TMEM106B: variants seen among roughly 807,000 people sequenced by gnomAD.
TMEM106B encodes the protein transmembrane protein 106B.
TMEM106B carries 15 observed loss-of-function variants against 31.1 expected under a neutral mutation model. The ratio of observed to expected loss-of-function variants is 0.48; its 90% CI spans 0.32 to 0.74. The LOEUF (loss-of-function observed/expected upper bound fraction) is 0.74, where lower values mean the gene tolerates loss of function less well. Among genes scored for constraint, TMEM106B ranks in the 30% least tolerant of loss-of-function variants. TMEM106B has a pLI of 0.03. For synonymous variants in TMEM106B, 126 were observed against 112.5 expected (o/e 1.12, Z -0.76); for missense variants, 283 against 327.3 (o/e 0.86, Z 1.04).
chr7:12,222,330 A>T (rs1583453367), intron 3 of TMEM106B, among the ~76,000 whole-genome samples: 1 of 152,174 alleles, frequency 6.6e-6, no homozygotes, highest in Non-Finnish European at 1.5e-5. Context: ...AAACTAGCCA[A>T]CTTTTCAATT....
chr7:12,225,854 A>G (rs1036555504), intron 4 of TMEM106B, among the ~76,000 whole-genome samples: 2 of 151,974 alleles, frequency 1.3e-5, no homozygotes, highest in African/African-American at 2.4e-5. Context: ...GAAGCTTTTT[A>G]CTTTAATTAG....
In TMEM106B at chr7:12,242,624, G is replaced by A. The variant is rs554670210; in HGVS notation, c.*10649G>A. On this transcript the variant is annotated 3_prime_UTR_variant, in exon 8 of 8. Coordinates refer to ENST00000396668, the MANE Select transcript of TMEM106B (RefSeq NM_001134232.2). Reference sequence around the variant, plus strand: ...GATATTATCTAATTGTGTCCTTACTGGGTAACTTGTGTATTTTTCAAGTTA... The same window carrying A: ...GATATTATCTAATTGTGTCCTTACTAGGTAACTTGTGTATTTTTCAAGTTA... The A allele has an allele frequency of 6.6e-6, 1 of 152,034 alleles. No homozygotes were observed. The highest frequency in any genetic ancestry group is 6.6e-5 in the Admixed American group (1 of 15,248). The allele number at this position is 152,034 out of a possible 1,614,324, so 9.4% of individuals were successfully genotyped here.
At position 12,241,602 on chromosome 7, in the gene TMEM106B, T is replaced by C. The variant is rs1782237247; in HGVS notation, c.*9627T>C. On this transcript the variant is annotated 3_prime_UTR_variant, in exon 8 of 8. Coordinates refer to ENST00000396668, the MANE Select transcript of TMEM106B (RefSeq NM_001134232.2). The stretch of plus-strand genomic sequence containing the variant: ...GAACTCATCCTTTTTTATGGCTGCA[T>C]AGTATTCCATGGTGTATATATGCCA... 1 of 152,240 alleles carries C rather than the reference T, an allele frequency of 6.6e-6. No homozygotes were observed. The highest frequency in any genetic ancestry group is 2.1e-4 in the South Asian group (1 of 4,824). The allele number at this position is 152,240 out of a possible 1,614,324, so 9.4% of individuals were successfully genotyped here. A position where few individuals can be genotyped will look rare whatever the true frequency, so the allele number is the denominator to read the frequency against.
At chr7:12,218,222 A>G (rs1008315422) in intron 2 of TMEM106B, among the ~76,000 whole-genome samples, 1 of 149,578 alleles carries the variant, frequency 6.7e-6, no homozygotes, top group African/African-American at 2.5e-5. Context: ...AGAAAAAGTA[A>G]GCCCTCATTT....
chr7:12,232,100 C>G lies in TMEM106B; in HGVS notation c.*125C>G, dbSNP rs1583221891. On this transcript the variant is annotated 3_prime_UTR_variant, in exon 8 of 8. Coordinates refer to ENST00000396668, the MANE Select transcript of TMEM106B (RefSeq NM_001134232.2). ...CCTAAAGTTTACACTTCTAAGAGTA[C>G]AGTTAAAAGTATGTGGACCTGCAGT... 1 of 848,288 alleles carries G rather than the reference C, an allele frequency of 1.2e-6. No homozygotes were observed. The highest frequency in any genetic ancestry group is 2.7e-5 in the East Asian group (1 of 36,552). 52.5% of individuals were successfully genotyped at this position (848,288 alleles called of 1,614,324 possible).
At chr7:12,223,743 C>T (rs970572171) in intron 3 of TMEM106B, among the ~76,000 whole-genome samples, 21 of 125,508 alleles carry the variant, frequency 1.7e-4, no homozygotes, top group Admixed American at 1.2e-3. Flanking sequence ...TTTTTTGGTA[C>T]AGAGTCTCGC....
At chr7:12,217,545 G>A (rs1450931211) in intron 2 of TMEM106B, among the ~76,000 whole-genome samples, 1 of 152,124 alleles carries the variant, frequency 6.6e-6, no homozygotes, top group Non-Finnish European at 1.5e-5. Flanking sequence ...GTTTAGCTCT[G>A]TTGATATATG....
At chr7:12,215,690 T>C (rs1424601231) in intron 2 of TMEM106B, 1 of 306,630 alleles carries the variant, frequency 3.3e-6, no homozygotes, top group Non-Finnish European at 7.1e-6. Flanking sequence ...AGTGTTAGAA[T>C]TACAGCTGTG....
rs1782266384 is a variant in TMEM106B, at chr7:12,243,365, G to A, written c.*11390G>A. The A allele has an allele frequency of 6.6e-6, 1 of 152,054 alleles. No homozygotes were observed. Among genetic ancestry groups the A allele is most frequent in the African/African-American group, 2.4e-5 (1 of 41,426 alleles). The allele number at this position is 152,054 out of a possible 1,614,324, so 9.4% of individuals were successfully genotyped here. ...ATGGAAATAAAAGATAATTTGAAAA[G>A]CATGTTGTGCTATTTATATCAGGGA... is the stretch of plus-strand genomic sequence containing the variant. On this transcript the variant is annotated 3_prime_UTR_variant, in exon 8 of 8. Transcript: ENST00000396668.
Position 12,231,846 on chromosome 7 carries a change from GACA to G in TMEM106B, c.703_705del (p.Thr235del), listed in dbSNP as rs1782030651. On this transcript the variant is annotated inframe_deletion, in exon 8 of 8. Transcript: ENST00000396668. ...CTTACATTATTTTTAGAGTTACTGT[GACA>G]ACAACATACTTTGGCCACTCTGAAC... The G allele has an allele frequency of 6.3e-7, 1 of 1,596,096 alleles. No individual in the cohort carries two copies. Among genetic ancestry groups the G allele is most frequent in the South Asian group, 1.1e-5 (1 of 88,550 alleles).
rs1782194840 is a variant in TMEM106B at position 12,239,077 on chromosome 7, T to C, written c.*7102T>C. On this transcript the variant is annotated 3_prime_UTR_variant, in exon 8 of 8. Coordinates refer to ENST00000396668, the MANE Select transcript of TMEM106B (RefSeq NM_001134232.2). ...TGTTTTATCTACATTGAAAATATAT[T>C]GTTCATTGTAACCACTTTCATCAAT... 1.3e-5 allele frequency: 2 copies of C among 152,334 alleles called. No homozygotes were observed. Among genetic ancestry groups the C allele is most frequent in the Admixed American group, 1.3e-4 (2 of 15,284 alleles). 9.4% of individuals were successfully genotyped at this position (152,334 alleles called of 1,614,324 possible).
chr7:12,220,110 G>A (rs1183003733), intron 3 of TMEM106B, among the ~76,000 whole-genome samples: 1 of 152,138 alleles, frequency 6.6e-6, no homozygotes, highest in Non-Finnish European at 1.5e-5. Context: ...AAACGGATAA[G>A]CAATGGTGTG....
intron 1 of TMEM106B, among the ~76,000 whole-genome samples, chr7:12,213,061 ATGACCT>A (rs1475275964): frequency 1.3e-5 from 2 of 152,192 alleles, no homozygotes; most frequent in Non-Finnish European, 2.9e-5. Context: ...TTAAAAGGGT[ATGACCT>A]TAAGTATAAA....
intron 3 of TMEM106B, among the ~76,000 whole-genome samples, chr7:12,219,561 TTTAAC>T (rs1781748563): frequency 6.6e-6 from 1 of 152,146 alleles, no homozygotes; most frequent in African/African-American, 2.4e-5. Context: ...AGATGAACAC[TTTAAC>T]TTAATACTAT....
Position 12,236,024 on chromosome 7 carries a change from G to T in TMEM106B, c.*4049G>T, listed in dbSNP as rs1447778709. The T allele has an allele frequency of 6.6e-6, 1 of 151,714 alleles. No individual in the cohort carries two copies. Among genetic ancestry groups the T allele is most frequent in the Non-Finnish European group, 1.5e-5 (1 of 67,816 alleles). 9.4% of individuals were successfully genotyped at this position (151,714 alleles called of 1,614,324 possible). The stretch of plus-strand genomic sequence containing the variant: ...TTTTAGGGAAAAATTTTACATGTTT[G>T]AGATGGTGGAGTAAAAAGACTGTTA... On this transcript the variant is annotated 3_prime_UTR_variant, in exon 8 of 8. Coordinates refer to ENST00000396668, the MANE Select transcript of TMEM106B (RefSeq NM_001134232.2).
At chr7:12,212,674 C>T (rs1417836763) in intron 1 of TMEM106B, among the ~76,000 whole-genome samples, 1 of 152,140 alleles carries the variant, frequency 6.6e-6, no homozygotes, top group Non-Finnish European at 1.5e-5. Context: ...CCATTTGCTA[C>T]ATTGATACAC....
At chr7:12,214,294 C>T (rs1562701924) in intron 1 of TMEM106B, 1 of 152,518 alleles carries the variant, frequency 6.6e-6, no homozygotes, top group African/African-American at 2.4e-5. Context: ...CTGAAGCCTG[C>T]TACCTGGAGG....
In TMEM106B at chr7:12,234,045, C is replaced by T. The variant is rs1782081442; in HGVS notation, c.*2070C>T. 1 of 151,744 alleles carries T rather than the reference C, an allele frequency of 6.6e-6. No individual in the cohort carries two copies. 9.4% of individuals were successfully genotyped at this position (151,744 alleles called of 1,614,324 possible). ...CATATCCTTTCTATTATGTTCCCAT[C>T]CTGTCCTCATGTCCCATTTACTTTA... On this transcript the variant is annotated 3_prime_UTR_variant, in exon 8 of 8. Coordinates refer to ENST00000396668, the MANE Select transcript of TMEM106B (RefSeq NM_001134232.2).
Position 12,238,711 on chromosome 7 carries a change from G to A in TMEM106B, c.*6736G>A, listed in dbSNP as rs1338382329. 1 of 152,138 alleles carries A rather than the reference G, an allele frequency of 6.6e-6. No homozygotes were observed. Among genetic ancestry groups the A allele is most frequent in the Non-Finnish European group, 1.5e-5 (1 of 68,020 alleles). 9.4% of individuals were successfully genotyped at this position (152,138 alleles called of 1,614,324 possible). On this transcript the variant is annotated 3_prime_UTR_variant, in exon 8 of 8. Coordinates refer to ENST00000396668, the MANE Select transcript of TMEM106B (RefSeq NM_001134232.2). Reference sequence around the variant, plus strand: ...AATCTATTTGTACATCATCAGAGCTGTTGGGTGACCAGGTACATTGTCAAT... The same window carrying A: ...AATCTATTTGTACATCATCAGAGCTATTGGGTGACCAGGTACATTGTCAAT...
Sources: gnomAD v4.1 joint callset for allele counts (sites outside exome capture counted in the v4.1 genomes callset) on GRCh38, gnomAD v4.1.1 for gene constraint, MANE v1.5 for transcripts, NCBI Gene and HGNC (gene_info 2026-07-23, HGNC 2026-07-21) for gene names.